The following GTF2IRD1 variants were observed in gnomAD, a reference collection of about 807,000 sequenced individuals.
The protein encoded by GTF2IRD1 is GTF2I repeat domain containing 1.
GTF2IRD1 carries 26 observed loss-of-function variants against 113.2 expected under a neutral mutation model. That is an observed-to-expected ratio of 0.23 (90% CI 0.17 to 0.32). The LOEUF (loss-of-function observed/expected upper bound fraction) is 0.32, where lower values mean the gene tolerates loss of function less well. GTF2IRD1 is among the 10% of genes least tolerant of loss of function. The pLI, the probability that GTF2IRD1 is intolerant of heterozygous loss-of-function variation, is 1.00. For missense variants in GTF2IRD1, 864 were observed against 1,280.8 expected (o/e 0.67, Z 4.97); for synonymous variants, 484 against 529.1 (o/e 0.91, Z 1.17).
intron 1 of GTF2IRD1, among the ~76,000 whole-genome samples, chr7:74,476,339 C>G (rs143509690): frequency 1.3e-5 from 2 of 148,316 alleles, no homozygotes; most frequent in South Asian, 4.2e-4. Flanking sequence ...GCCTCTTCCA[C>G]GCCCGCTTGG....
chr7:74,459,161 A>G (rs1554328323), intron 1 of GTF2IRD1, among the ~76,000 whole-genome samples: 1 of 152,022 alleles, frequency 6.6e-6, no homozygotes, highest in Non-Finnish European at 1.5e-5. Flanking sequence ...CCCATTTAAG[A>G]TAAGTTAGGG....
Position 74,583,565 on chromosome 7 carries a change from C to T in GTF2IRD1, c.2321-6286C>T, listed in dbSNP as rs587677224. Among the ~76,000 whole-genome samples the T allele has an allele frequency of 2.6e-5, 4 of 151,946 alleles. No homozygotes were observed. The South Asian group carries it at 6.3e-4, about 24-fold the overall frequency. On this transcript the variant is annotated intron_variant, in intron 22 of 26. Transcript: ENST00000424337. ...CACACTCCAGAGGTGGTCAGGACGC[C>T]TCCCCAAACTGCCAGCCCCCTCAGC...
At chr7:74,585,758 T>A (rs1801681405) in intron 22 of GTF2IRD1, among the ~76,000 whole-genome samples, 2 of 151,788 alleles carry the variant, frequency 1.3e-5, no homozygotes, top group Admixed American at 1.3e-4. Context: ...GGTGGGTGCC[T>A]GTAATCCCAG....
rs1454536205 is a variant in GTF2IRD1 at position 74,581,073 on chromosome 7, G to A, written c.2321-8778G>A. ...TTGCTCTTGTTGCCCAGGCTGGAGTGCAGTGGCGCCATCTCGGCTCACTGC... is the reference window on the plus strand; with the variant it reads ...TTGCTCTTGTTGCCCAGGCTGGAGTACAGTGGCGCCATCTCGGCTCACTGC... On this transcript the variant is annotated intron_variant, in intron 22 of 26. Coordinates refer to ENST00000424337, the MANE Select transcript of GTF2IRD1 (RefSeq NM_005685.4). Among the ~76,000 whole-genome samples, 5 of 152,104 alleles carry A rather than the reference G, an allele frequency of 3.3e-5. No homozygotes were observed. In the East Asian group the frequency reaches 5.8e-4, roughly 18 times the overall value.
At chr7:74,562,761 A>C (rs1404222956) in intron 22 of GTF2IRD1, among the ~76,000 whole-genome samples, 6 of 151,534 alleles carry the variant, frequency 4.0e-5, no homozygotes, top group African/African-American at 1.5e-4. Flanking sequence ...GCACCCTAAC[A>C]CAATGAAAGT....
At chr7:74,530,586 T>TTA (rs1797905953) in intron 9 of GTF2IRD1, among the ~76,000 whole-genome samples, 1 of 38,950 alleles carries the variant, frequency 2.6e-5, no homozygotes, top group Non-Finnish European at 4.4e-5. Context: ...CCCTGTTTCT[T>TTA]AAAAAAAAAA....
intron 17 of GTF2IRD1, among the ~76,000 whole-genome samples, chr7:74,548,952 T>C (rs2130695406): frequency 6.6e-6 from 1 of 151,882 alleles, no homozygotes; most frequent in Non-Finnish European, 1.5e-5. Flanking sequence ...ATTTCCATTT[T>C]GTGTTTGTTA....
intron 16 of GTF2IRD1, among the ~76,000 whole-genome samples, chr7:74,546,650 C>T (rs1434908727): frequency 3.9e-5 from 6 of 152,316 alleles, no homozygotes; most frequent in East Asian, 1.9e-4. Context: ...TGGCAGAGAT[C>T]GGGTTCGTTC....
chr7:74,559,628 C>T lies in GTF2IRD1; in HGVS notation c.2293C>T (p.Pro765Ser), dbSNP rs200826932. The change falls in exon 22 of 27, where the codon CCT (proline) becomes TCT (serine). Residue 765 changes from proline to serine, a missense_variant and splice_region_variant. Transcript: ENST00000424337. Reference sequence around the variant, plus strand: ...CCCCTGCCTCTGTTTCTCTTCTAGGCCTTTCCAAGGACTCATCCCAAAGCC... The same window carrying T: ...CCCCTGCCTCTGTTTCTCTTCTAGGTCTTTCCAAGGACTCATCCCAAAGCC... ...ADKIKFTVTR[P>S]FQGLIPKPDE... is the part of the protein sequence containing the mutation. 3.2e-5 allele frequency: 51 copies of T among 1,595,302 alleles called. No individual in the cohort carries two copies. The highest frequency in any genetic ancestry group is 4.2e-5 in the Non-Finnish European group (49 of 1,171,378).
chr7:74,491,673 G>A (rs1308966233), intron 1 of GTF2IRD1, among the ~76,000 whole-genome samples: 1 of 152,012 alleles, frequency 6.6e-6, no homozygotes, highest in Non-Finnish European at 1.5e-5. Context: ...CTTTTTTGTG[G>A]CTGCATAGTA....
At position 74,595,029 on chromosome 7, in the gene GTF2IRD1, C is replaced by G. The variant is rs587702192; in HGVS notation, c.2607C>G (p.Ile869Met). The G allele has an allele frequency of 1.1e-4, 172 of 1,606,466 alleles. No individual in the cohort carries two copies. The South Asian group carries it at 1.8e-3, about 17-fold the overall frequency. ...IINQLQPFAEICNDAKVPAKD... is the reference protein window; with the variant it reads ...IINQLQPFAEMCNDAKVPAKD... ...TCTTTTTCAGACCCTTTGCAGAAAT[C>G]TGCAATGATGCCAAGGTGCCAGGTG... The change falls in exon 25 of 27, where the codon ATC (isoleucine) becomes ATG (methionine). Residue 869 changes from isoleucine to methionine, a missense_variant. Ile to Met is a conservative substitution (Grantham distance 10). Coordinates refer to ENST00000424337, the MANE Select transcript of GTF2IRD1 (RefSeq NM_005685.4).
chr7:74,482,223 C>CTTTTTTTTTT (rs5884948), intron 1 of GTF2IRD1, among the ~76,000 whole-genome samples: 1 of 107,996 alleles, frequency 9.3e-6, no homozygotes, highest in Non-Finnish European at 1.8e-5. Flanking sequence ...TCTCCTAAAA[C>CTTTTTTTTTT]TTTTTTTTTT....
At chr7:74,585,112 T>G (rs1315834132) in intron 22 of GTF2IRD1, among the ~76,000 whole-genome samples, 42 of 139,446 alleles carry the variant, frequency 3.0e-4, no homozygotes, top group Admixed American at 2.4e-3. Flanking sequence ...TGTTTGGTGT[T>G]TTTTTTTTTT....
chr7:74,495,271 G>A (rs1447337506), intron 1 of GTF2IRD1, among the ~76,000 whole-genome samples: 1 of 152,178 alleles, frequency 6.6e-6, no homozygotes, highest in Non-Finnish European at 1.5e-5. Flanking sequence ...GCTCTGGGCT[G>A]AGGCTAGGAC....
At chr7:74,552,982 C>T (rs782145942) in intron 17 of GTF2IRD1, among the ~76,000 whole-genome samples, 92 of 151,940 alleles carry the variant, frequency 6.1e-4, no homozygotes, top group Non-Finnish European at 1.1e-3. Flanking sequence ...GGATAACAGG[C>T]GCATGTCACT....
chr7:74,566,922 C>T (rs587743082), intron 22 of GTF2IRD1, among the ~76,000 whole-genome samples: 10 of 152,294 alleles, frequency 6.6e-5, no homozygotes, highest in African/African-American at 1.9e-4. Flanking sequence ...CTCATCCACA[C>T]AGGGTGGCTC....
At chr7:74,586,328 G>T (rs769932229) in intron 22 of GTF2IRD1, among the ~76,000 whole-genome samples, 2 of 152,128 alleles carry the variant, frequency 1.3e-5, no homozygotes, top group Admixed American at 6.6e-5. Flanking sequence ...AGGAAGGCCC[G>T]TGTTGGGTCA....
intron 1 of GTF2IRD1, among the ~76,000 whole-genome samples, chr7:74,478,205 G>A (rs960795005): frequency 6.6e-6 from 1 of 152,230 alleles, no homozygotes; most frequent in Non-Finnish European, 1.5e-5. Flanking sequence ...CGCCCCTTGC[G>A]TGGAGGGACA....
intron 25 of GTF2IRD1, among the ~76,000 whole-genome samples, chr7:74,598,787 G>A (rs1310990362): frequency 6.6e-6 from 1 of 152,124 alleles, no homozygotes; most frequent in African/African-American, 2.4e-5. Context: ...GGACCAGTCT[G>A]AGACAGAGGG....
Sources: allele counts gnomAD v4.1 joint callset (sites outside exome capture counted in the v4.1 genomes callset), GRCh38; gene constraint gnomAD v4.1.1; transcripts MANE v1.5; gene names NCBI Gene and HGNC (gene_info 2026-07-23, HGNC 2026-07-21).